The following GOLGA5 variants were observed in gnomAD, a reference collection of about 807,000 sequenced individuals.
The protein encoded by GOLGA5 is golgin A5.
GOLGA5 carries 50 observed loss-of-function variants against 93.5 expected under a neutral mutation model. The ratio of observed to expected loss-of-function variants is 0.53; its 90% confidence interval spans 0.43 to 0.68. The LOEUF is 0.68. Ranked by LOEUF, GOLGA5 falls within the 30% of genes least tolerant of loss-of-function variation. The pLI, the probability that GOLGA5 is intolerant of heterozygous loss-of-function variation, is 0.00. For synonymous variants in GOLGA5, 312 were observed against 304.5 expected, an observed-to-expected ratio of 1.02 and a Z score of -0.26; for missense variants, 760 against 856.4, an observed-to-expected ratio of 0.89 and a Z score of 1.40.
In GOLGA5 at chr14:92,825,868, A is replaced by AAAC. The variant is rs1450485431; in HGVS notation, c.1719+1226_1719+1227insCAA. On this transcript the variant is annotated intron_variant, in intron 9 of 12. Transcript: ENST00000163416. ...GAGACCCTGTCTCAAAAAAAAAAAG[A>AAAC]AAAAACAACCATAGGGTGGCTTATG... 1.1e-3 allele frequency among the ~76,000 whole-genome samples: 165 copies of AAAC among 148,386 alleles called. 6 individuals are homozygous for AAAC. Among genetic ancestry groups the AAAC allele is most frequent in the Non-Finnish European group, 2.0e-3 (135 of 67,084 alleles).
chr14:92,819,869 C>T, intron 8 of GOLGA5, 33 bp downstream of exon 8: 2 of 1,609,386 alleles, frequency 1.2e-6, no homozygotes, highest in Non-Finnish European at 1.7e-6. Context: ...TTCTGAGACT[C>T]TGTCCTCTAG....
At chr14:92,812,856 G>A (rs1242818050) in intron 6 of GOLGA5, among the ~76,000 whole-genome samples, 1 of 152,062 alleles carries the variant, frequency 6.6e-6, no homozygotes, top group East Asian at 1.9e-4. Context: ...CTCTTTCATT[G>A]TCCTTTCTTA....
At chr14:92,822,991 T>C (rs1885346340) in intron 8 of GOLGA5, among the ~76,000 whole-genome samples, 3 of 152,176 alleles carry the variant, frequency 2.0e-5, no homozygotes, top group African/African-American at 7.2e-5. Context: ...AACTTTATCA[T>C]TCTTTTCTAC....
intron 6 of GOLGA5, among the ~76,000 whole-genome samples, chr14:92,814,569 T>TA (rs552004921): frequency 1.4e-4 from 22 of 151,976 alleles, no homozygotes; most frequent in African/African-American, 4.8e-4. Flanking sequence ...GGTTTTTTAT[T>TA]AAAAAAAATC....
chr14:92,819,594 C>A, intron 7 of GOLGA5, 114 bp from the exon 8 acceptor site: 1 of 929,228 alleles, frequency 1.1e-6, no homozygotes, highest in Non-Finnish European at 1.7e-6. Flanking sequence ...GATTGTGCCA[C>A]TGCACTCCAG....
intron 10 of GOLGA5, among the ~76,000 whole-genome samples, chr14:92,834,184 C>CT (rs35449807): frequency 0.61 from 81,911 of 134,544 alleles, 24,600 homozygotes; most frequent in African/African-American, 0.79. Context: ...TAGGTTTCAC[C>CT]TTTTTTTTTT....
chr14:92,817,196 C>T (rs1199054913), intron 7 of GOLGA5, among the ~76,000 whole-genome samples: 3 of 152,166 alleles, frequency 2.0e-5, no homozygotes, highest in Non-Finnish European at 2.9e-5. Flanking sequence ...CCACCTCGGC[C>T]TCCCAAAGTG....
chr14:92,807,054 C>A, intron 3 of GOLGA5, 91 bp downstream of exon 3: 1 of 844,402 alleles, frequency 1.2e-6, no homozygotes, highest in East Asian at 2.7e-5. Context: ...AATCCCAGCA[C>A]TTTGGGAGGC....
chr14:92,824,778 C>T (rs570562781), intron 9 of GOLGA5, 134 bp downstream of exon 9: 1 of 591,924 alleles, frequency 1.7e-6, no homozygotes, highest in Admixed American at 3.3e-5. Context: ...AAGTTCTTTT[C>T]AACCTGGTAT....
intron 11 of GOLGA5, among the ~76,000 whole-genome samples, chr14:92,836,134 TTA>T (rs1266269066): frequency 9.9e-5 from 15 of 152,008 alleles, no homozygotes; most frequent in Admixed American, 2.0e-4. Flanking sequence ...ATAACAAAAT[TTA>T]TGTTTATGTA....
intron 3 of GOLGA5, 75 bp downstream of exon 3, chr14:92,807,038 G>A (rs1196042488): frequency 2.1e-5 from 21 of 1,010,666 alleles, no homozygotes; most frequent in South Asian, 5.5e-5. Flanking sequence ...AGTGGCTCGT[G>A]CCTGTAATCC....
intron 10 of GOLGA5, among the ~76,000 whole-genome samples, chr14:92,834,336 A>G (rs932621228): frequency 1.3e-5 from 2 of 152,118 alleles, no homozygotes; most frequent in African/African-American, 4.8e-5. Flanking sequence ...CTATCTCCTA[A>G]TACTATCCCT....
chr14:92,836,460 T>C (rs17128618), intron 11 of GOLGA5, among the ~76,000 whole-genome samples: 10,998 of 152,180 alleles, frequency 0.072, 567 homozygotes, highest in South Asian at 0.19. Context: ...CATACGTAGT[T>C]GTTAGAGAAC....
rs146506375 is a variant in GOLGA5 at position 92,798,414 on chromosome 14, A to AC, written c.544+434dup. ...GTGTTTTTTGTGTGTTTTTCCCCCC[A>AC]CATCCTCCACAAATAAAGCTGAGAG... On this transcript the variant is annotated intron_variant, in intron 2 of 12. Transcript: ENST00000163416. 6.3e-3 allele frequency among the ~76,000 whole-genome samples: 952 copies of AC among 152,240 alleles called. 14 individuals are homozygous for AC. The highest frequency in any genetic ancestry group is 0.061 in the South Asian group (293 of 4,824).
intron 9 of GOLGA5, among the ~76,000 whole-genome samples, chr14:92,827,766 G>A (rs1885451870): frequency 6.6e-6 from 1 of 152,210 alleles, no homozygotes; most frequent in South Asian, 2.1e-4. Flanking sequence ...AATTAAAAGT[G>A]CTACTCTAGT....
rs1419516494 is a variant in GOLGA5, at chr14:92,839,665, T to C, written c.*219T>C. The stretch of plus-strand genomic sequence containing the variant: ...CAGACAATAATTTAACAAGCTCAGC[T>C]CTGCTTTATCTGAGTTTAGTGGTCC... On this transcript the variant is annotated 3_prime_UTR_variant, in exon 13 of 13. Transcript: ENST00000163416. 3.5e-6 allele frequency: 2 copies of C among 577,556 alleles called. No homozygotes were observed. Among genetic ancestry groups the C allele is most frequent in the South Asian group, 2.2e-5 (1 of 45,244 alleles). The allele number at this position is 577,556 out of a possible 1,614,324, so 35.8% of individuals were successfully genotyped here.
chr14:92,798,042 A>T, intron 2 of GOLGA5, 61 bp downstream of exon 2: 1 of 1,075,758 alleles, frequency 9.3e-7, no homozygotes, highest in Non-Finnish European at 1.4e-6. Context: ...TCATCATATG[A>T]TCCGATGGTG....
intron 1 of GOLGA5, among the ~76,000 whole-genome samples, chr14:92,794,675 TGCCTG>T (rs1368247255): frequency 6.6e-6 from 1 of 152,212 alleles, no homozygotes; most frequent in East Asian, 1.9e-4. Context: ...TCCTGACCCC[TGCCTG>T]GCCTGGCCGT....
At chr14:92,817,243 G>T (rs1039294456) in intron 7 of GOLGA5, among the ~76,000 whole-genome samples, 2 of 152,098 alleles carry the variant, frequency 1.3e-5, no homozygotes, top group Non-Finnish European at 2.9e-5. Flanking sequence ...GCCCGACCAG[G>T]TTTCTAATCC....
Sources: gnomAD v4.1 joint callset for allele counts (sites outside exome capture counted in the v4.1 genomes callset) on GRCh38, gnomAD v4.1.1 for gene constraint, MANE v1.5 for transcripts, NCBI Gene and HGNC (gene_info 2026-07-23, HGNC 2026-07-21) for gene names.